Variants in PRICKLE2 observed in about 807,000 individuals in gnomAD.
PRICKLE2 encodes the protein prickle planar cell polarity protein 2, also known as prickle-like protein 2.
PRICKLE2 carries 21 observed loss-of-function variants against 81.4 expected under a neutral mutation model. The ratio of observed to expected loss-of-function variants is 0.26; its 90% CI spans 0.18 to 0.37. The LOEUF (loss-of-function observed/expected upper bound fraction) is 0.37. Among genes scored for constraint, PRICKLE2 ranks in the 10% least tolerant of loss-of-function variants. PRICKLE2 has a pLI of 1.00. For missense variants in PRICKLE2, 940 were observed against 1,109.0 expected (o/e 0.85, Z 2.16); for synonymous variants, 456 against 421.5 (o/e 1.08, Z -1.00).
At chr3:64,258,823 C>CAGA (rs1491307008) in intron 2 of PRICKLE2, among the ~76,000 whole-genome samples, 2 of 70,390 alleles carry the variant, frequency 2.8e-5, no homozygotes, top group African/African-American at 1.2e-4. Context: ...GACTCTGTCT[C>CAGA]AAAAAAAAAA....
intron 7 of PRICKLE2, among the ~76,000 whole-genome samples, chr3:64,143,440 T>C (rs1346971089): frequency 2.0e-5 from 3 of 152,140 alleles, no homozygotes. Context: ...AAATCTCCCA[T>C]GATGTCTTCT....
At chr3:64,245,213 T>C (rs78043303) in intron 2 of PRICKLE2, among the ~76,000 whole-genome samples, 1 of 152,214 alleles carries the variant, frequency 6.6e-6, no homozygotes, top group African/African-American at 2.4e-5. Flanking sequence ...TTCCTTAAAA[T>C]GTCCTGCCAA....
rs150403382 is a variant in PRICKLE2 at position 64,183,282 on chromosome 3, C to T, written c.144+15502G>A. On this transcript the variant is annotated intron_variant, in intron 2 of 7. Coordinates refer to ENST00000638394, the MANE Select transcript of PRICKLE2 (RefSeq NM_198859.4). ...TTATTAGTGATACAATTTATTGACC[C>T]GTTTTATAATGGCCACCAGTTCACT... is the stretch of plus-strand genomic sequence containing the variant. 7.9e-3 allele frequency among the ~76,000 whole-genome samples: 1,199 copies of T among 152,142 alleles called. 9 individuals carry two copies. Among genetic ancestry groups the T allele is most frequent in the Middle Eastern group, 0.027 (8 of 294 alleles).
At chr3:64,241,785 G>A (rs2079269295) in intron 2 of PRICKLE2, among the ~76,000 whole-genome samples, 1 of 152,182 alleles carries the variant, frequency 6.6e-6, no homozygotes, top group African/African-American at 2.4e-5. Flanking sequence ...GTACTGTCTG[G>A]GAAGGCAACA....
At chr3:64,102,920 G>T (rs1372047652) in intron 7 of PRICKLE2, 1 of 152,182 alleles carries the variant, frequency 6.6e-6, no homozygotes, top group East Asian at 1.9e-4. Flanking sequence ...GGCCCAGATG[G>T]ATGCAATTTG....
chr3:64,130,984 G>T (rs1352791166), intron 7 of PRICKLE2, among the ~76,000 whole-genome samples: 1 of 152,198 alleles, frequency 6.6e-6, no homozygotes, highest in African/African-American at 2.4e-5. Flanking sequence ...TAAGTGTGAA[G>T]TATTCACTCT....
intron 7 of PRICKLE2, among the ~76,000 whole-genome samples, chr3:64,142,413 T>C (rs1412329702): frequency 6.6e-6 from 1 of 151,032 alleles, no homozygotes; most frequent in East Asian, 2.0e-4. Flanking sequence ...TGGGTTCAAG[T>C]GATTCTTGTG....
chr3:64,130,841 A>G (rs2077186686), intron 7 of PRICKLE2, among the ~76,000 whole-genome samples: 1 of 152,208 alleles, frequency 6.6e-6, no homozygotes, highest in Admixed American at 6.5e-5. Context: ...AAAGCTCCCC[A>G]GATGACTCCA....
Position 64,180,682 on chromosome 3 carries a change from G to A in PRICKLE2, c.145-17553C>T, listed in dbSNP as rs540433566. Among the ~76,000 whole-genome samples the A allele has an allele frequency of 7.9e-5, 12 of 152,164 alleles. No homozygotes were observed. In the East Asian group the frequency reaches 2.1e-3, roughly 27 times the overall value. ...TGAGTAGCTGGGATTACAGGCATGT[G>A]CCACCACATCCGGCTAATTTTTGTG... is the stretch of plus-strand genomic sequence containing the variant. On this transcript the variant is annotated intron_variant, in intron 2 of 7. Transcript: ENST00000638394.
chr3:64,162,841 T>C (rs977741957), intron 3 of PRICKLE2, among the ~76,000 whole-genome samples, 175 bp downstream of exon 3: 3 of 152,192 alleles, frequency 2.0e-5, no homozygotes, highest in South Asian at 2.1e-4. Context: ...TTAGTAATAC[T>C]CTCTAGAAGT....
chr3:64,200,263 C>T (rs2107117820), intron 1 of PRICKLE2: 1 of 152,312 alleles, frequency 6.6e-6, no homozygotes, highest in East Asian at 1.9e-4. Flanking sequence ...CACAGAATGA[C>T]TTTTCAAGGT....
intron 7 of PRICKLE2, among the ~76,000 whole-genome samples, chr3:64,119,869 T>G (rs529120208): frequency 6.6e-6 from 1 of 152,318 alleles, no homozygotes; most frequent in Non-Finnish European, 1.5e-5. Context: ...TGGAATATGA[T>G]GCAGCCATAA....
At chr3:64,163,184 T>C (rs1559550168) in intron 2 of PRICKLE2, 55 bp from the exon 3 acceptor site, 4 of 1,032,944 alleles carry the variant, frequency 3.9e-6, no homozygotes, top group Non-Finnish European at 4.6e-6. Context: ...CATGTGCCTA[T>C]TCCCACTTAC....
In PRICKLE2 at chr3:64,188,757, A is replaced by C. The variant is rs191414229; in HGVS notation, c.144+10027T>G. Among the ~76,000 whole-genome samples the C allele has an allele frequency of 3.3e-5, 5 of 152,314 alleles. No individual in the cohort carries two copies. In the East Asian group the frequency reaches 5.8e-4, roughly 18 times the overall value. On this transcript the variant is annotated intron_variant, in intron 2 of 7. Coordinates refer to ENST00000638394, the MANE Select transcript of PRICKLE2 (RefSeq NM_198859.4). ...AGTAAAGTTTTATTGTCACATGACC[A>C]TGCCCATTTGTTCACCTATTGTCCA... is the stretch of plus-strand genomic sequence containing the variant.
chr3:64,156,388 A>T (rs925383060), intron 5 of PRICKLE2, among the ~76,000 whole-genome samples: 1 of 152,248 alleles, frequency 6.6e-6, no homozygotes, highest in African/African-American at 2.4e-5. Flanking sequence ...AGAGAAAGAT[A>T]GATGCAAAAA....
At chr3:64,215,056 C>T (rs569922999) in intron 1 of PRICKLE2, among the ~76,000 whole-genome samples, 1 of 152,084 alleles carries the variant, frequency 6.6e-6, no homozygotes, top group Non-Finnish European at 1.5e-5. Context: ...TTTCCACCAC[C>T]GTTTGTTTTT....
At chr3:64,172,771 A>G (rs1257787160) in intron 2 of PRICKLE2, among the ~76,000 whole-genome samples, 1 of 152,174 alleles carries the variant, frequency 6.6e-6, no homozygotes, top group Non-Finnish European at 1.5e-5. Flanking sequence ...GCCTTTAAGG[A>G]GGTAATTAAG....
intron 2 of PRICKLE2, among the ~76,000 whole-genome samples, chr3:64,252,018 C>G (rs1460232580): frequency 6.6e-6 from 1 of 152,122 alleles, no homozygotes; most frequent in Non-Finnish European, 1.5e-5. Context: ...CTGGTCAGAC[C>G]TTCCTATGGG....
intron 2 of PRICKLE2, among the ~76,000 whole-genome samples, chr3:64,182,432 C>T (rs535546178): frequency 6.6e-6 from 1 of 151,550 alleles, no homozygotes. Flanking sequence ...GAGGTTGAAG[C>T]TGCAGTGACC....
Sources: gnomAD v4.1 joint callset for allele counts (sites outside exome capture counted in the v4.1 genomes callset) on GRCh38, gnomAD v4.1.1 for gene constraint, MANE v1.5 for transcripts, NCBI Gene and HGNC (gene_info 2026-07-23, HGNC 2026-07-21) for gene names.